The following GRXCR1 variants were observed in gnomAD, a reference collection of about 807,000 sequenced individuals.
GRXCR1 encodes the protein glutaredoxin and cysteine rich domain containing 1.
Under a neutral mutation model 27.3 loss-of-function variants are expected in GRXCR1, and 27 were observed. The ratio of observed to expected loss-of-function variants is 0.99; its 90% CI spans 0.73 to 1.37. The LOEUF is 1.37. Ranked by LOEUF, GRXCR1 falls within the 40% of genes most tolerant of loss-of-function variation. The pLI, the probability that GRXCR1 is intolerant of heterozygous loss-of-function variation, is 0.00. For missense variants in GRXCR1, 379 were observed against 354.4 expected, an observed-to-expected ratio of 1.07 and a Z score of -0.56; for synonymous variants, 122 against 131.1, an observed-to-expected ratio of 0.93 and a Z score of 0.47.
At chr4:42,938,768 T>TC (rs561796312) in intron 1 of GRXCR1, among the ~76,000 whole-genome samples, 2 of 151,940 alleles carry the variant, frequency 1.3e-5, no homozygotes, top group Non-Finnish European at 2.9e-5. Flanking sequence ...CAATTTTTGC[T>TC]CCAGTGTATG....
chr4:42,908,504 G>C (rs1746647754), intron 1 of GRXCR1, among the ~76,000 whole-genome samples: 1 of 152,174 alleles, frequency 6.6e-6, no homozygotes, highest in Non-Finnish European at 1.5e-5. Flanking sequence ...AGTGACATCT[G>C]ATTTGCAGAA....
At chr4:43,011,456 A>C (rs1484552943) in intron 2 of GRXCR1, among the ~76,000 whole-genome samples, 1 of 152,132 alleles carries the variant, frequency 6.6e-6, no homozygotes, top group African/African-American at 2.4e-5. Context: ...CCAGAGCTAC[A>C]GGTCTTGTTT....
chr4:43,006,630 A>G (rs1712567434), intron 2 of GRXCR1, among the ~76,000 whole-genome samples: 1 of 152,216 alleles, frequency 6.6e-6, no homozygotes. Flanking sequence ...ATAAGATGTT[A>G]TCAATGACAA....
At chr4:42,897,559 C>G (rs1356567924) in intron 1 of GRXCR1, among the ~76,000 whole-genome samples, 3 of 151,970 alleles carry the variant, frequency 2.0e-5, no homozygotes, top group Non-Finnish European at 2.9e-5. Flanking sequence ...TATTTATAAG[C>G]ATTCTAATAT....
At chr4:42,933,607 G>C (rs1747381670) in intron 1 of GRXCR1, among the ~76,000 whole-genome samples, 1 of 151,886 alleles carries the variant, frequency 6.6e-6, no homozygotes, top group Admixed American at 6.6e-5. Flanking sequence ...TTAGGAGGTT[G>C]GTTTTTGGAG....
At chr4:42,990,146 G>GCAA (rs1261576492) in intron 2 of GRXCR1, among the ~76,000 whole-genome samples, 1 of 132,920 alleles carries the variant, frequency 7.5e-6, no homozygotes, top group East Asian at 2.2e-4. Context: ...TGTTCATTGT[G>GCAA]CAACTTCTTG....
intron 1 of GRXCR1, among the ~76,000 whole-genome samples, chr4:42,953,836 A>G (rs1178226849): frequency 6.6e-6 from 1 of 152,070 alleles, no homozygotes; most frequent in Non-Finnish European, 1.5e-5. Flanking sequence ...ATTTACTGAG[A>G]GTTCATGATT....
intron 1 of GRXCR1, among the ~76,000 whole-genome samples, chr4:42,940,230 A>G (rs1184117211): frequency 6.6e-6 from 1 of 152,064 alleles, no homozygotes; most frequent in Non-Finnish European, 1.5e-5. Flanking sequence ...CTCTCATGCT[A>G]GTACACACTT....
intron 1 of GRXCR1, among the ~76,000 whole-genome samples, chr4:42,903,668 T>C (rs1041319495): frequency 1.4e-5 from 2 of 147,868 alleles, no homozygotes; most frequent in African/African-American, 4.9e-5. Flanking sequence ...CCCCTTCCCA[T>C]TTTTCTTTTT....
intron 1 of GRXCR1, among the ~76,000 whole-genome samples, chr4:42,908,290 A>G (rs1293955383): frequency 6.6e-6 from 1 of 152,188 alleles, no homozygotes; most frequent in African/African-American, 2.4e-5. Context: ...TGGTACTGAC[A>G]GGTAGTTGTA....
At chr4:42,980,914 A>G (rs1273961015) in intron 2 of GRXCR1, among the ~76,000 whole-genome samples, 1 of 151,580 alleles carries the variant, frequency 6.6e-6, no homozygotes, top group Non-Finnish European at 1.5e-5. Context: ...TTACAGGTGA[A>G]GAGAGACCTT....
chr4:42,897,708 A>G (rs1231024072), intron 1 of GRXCR1, among the ~76,000 whole-genome samples: 4 of 152,212 alleles, frequency 2.6e-5, no homozygotes, highest in African/African-American at 4.8e-5. Context: ...AATGATGTCA[A>G]CTGGCTACTG....
chr4:42,964,646 A>G (rs904905938), intron 2 of GRXCR1, among the ~76,000 whole-genome samples: 3 of 152,026 alleles, frequency 2.0e-5, no homozygotes, highest in Admixed American at 6.6e-5. Flanking sequence ...AATCAAAGTT[A>G]TGTCTGTCTG....
chr4:42,913,121 A>G (rs1746764820), intron 1 of GRXCR1, among the ~76,000 whole-genome samples: 1 of 152,212 alleles, frequency 6.6e-6, no homozygotes. Flanking sequence ...AGTCTCAGGC[A>G]TTTCTTCACA....
chr4:42,938,110 T>A (rs1303375792), intron 1 of GRXCR1, among the ~76,000 whole-genome samples: 4 of 152,030 alleles, frequency 2.6e-5, no homozygotes, highest in Admixed American at 2.6e-4. Context: ...ACCATTATTC[T>A]ACTCTCTATC....
At chr4:42,921,090 C>T (rs1216257411) in intron 1 of GRXCR1, among the ~76,000 whole-genome samples, 10 of 151,996 alleles carry the variant, frequency 6.6e-5, no homozygotes, top group African/African-American at 1.2e-4. Flanking sequence ...AAGATGATGG[C>T]GTTAGGGTTG....
intron 2 of GRXCR1, among the ~76,000 whole-genome samples, chr4:42,974,689 C>T (rs1217246899): frequency 6.6e-6 from 1 of 152,080 alleles, no homozygotes; most frequent in Non-Finnish European, 1.5e-5. Context: ...TTGCAAGAGG[C>T]ATAGTCAGGG....
rs533437409 is a variant in GRXCR1, at chr4:42,968,417, A to G, written c.627+5283A>G. Among the ~76,000 whole-genome samples, 34 of 152,294 alleles carry G rather than the reference A, an allele frequency of 2.2e-4. No homozygotes were observed. In the South Asian group the frequency reaches 6.8e-3, roughly 31 times the overall value. On this transcript the variant is annotated intron_variant, in intron 2 of 3. Transcript: ENST00000399770. ...AATTTTTAGGCTAGATGACTATAACAGTTATAAATTACATTCATTTCTGAG... is the reference window on the plus strand; with the variant it reads ...AATTTTTAGGCTAGATGACTATAACGGTTATAAATTACATTCATTTCTGAG...
At chr4:42,967,479 CTT>C (rs1748274790) in intron 2 of GRXCR1, among the ~76,000 whole-genome samples, 1 of 141,280 alleles carries the variant, frequency 7.1e-6, no homozygotes. Flanking sequence ...TTATATCTCA[CTT>C]AATATGCTCA....
Sources: allele counts gnomAD v4.1 joint callset (sites outside exome capture counted in the v4.1 genomes callset), GRCh38; gene constraint gnomAD v4.1.1; transcripts MANE v1.5; gene names NCBI Gene and HGNC (gene_info 2026-07-23, HGNC 2026-07-21).